The following CAND2 variants were observed in gnomAD, a reference collection of about 807,000 sequenced individuals.
The protein encoded by CAND2 is cullin-associated NEDD8-dissociated protein 2.
Under a neutral mutation model 98.9 loss-of-function variants are expected in CAND2, and 62 were observed. The observed-to-expected ratio is 0.63, with a 90% CI of 0.51 to 0.77. The LOEUF is 0.77. Ranked by LOEUF, CAND2 falls within the 30% of genes least tolerant of loss-of-function variation. The pLI, the probability that CAND2 is intolerant of heterozygous loss-of-function variation, is 0.00. For synonymous variants in CAND2, 770 were observed against 731.9 expected (o/e 1.05, Z -0.84); for missense variants, 1,501 against 1,655.2 (o/e 0.91, Z 1.62).
chr3:12,820,317 T>C (rs1014367391), intron 11 of CAND2, 136 bp downstream of exon 11: 5 of 614,486 alleles, frequency 8.1e-6, no homozygotes, highest in Non-Finnish European at 1.4e-5. Flanking sequence ...CAGCAGGGCC[T>C]GGCCCTCCAG....
At chr3:12,808,091 T>C in intron 3 of CAND2, 119 bp from the exon 4 acceptor site, 1 of 1,319,410 alleles carries the variant, frequency 7.6e-7, no homozygotes, top group Non-Finnish European at 1.0e-6. Flanking sequence ...TCTGGAGCCC[T>C]GGTAAGATTC....
At chr3:12,819,746 A>G (rs575216026) in intron 10 of CAND2, among the ~76,000 whole-genome samples, 15 of 152,138 alleles carry the variant, frequency 9.9e-5, no homozygotes, top group Admixed American at 5.9e-4. Flanking sequence ...TATTAATAGG[A>G]TCATTGTTAG....
Position 12,810,245 on chromosome 3 carries a change from G to A in CAND2, c.678G>A (p.Arg226=). 6.5e-7 allele frequency: 1 copy of A among 1,527,254 alleles called. No individual in the cohort carries two copies. 94.6% of individuals were successfully genotyped at this position (1,527,254 alleles called of 1,614,324 possible). ...TACTGGACCGGCTGCCCGGCCCGCG[G>A]GTGCCCACCAGCCCGACTGCCATCC... The part of the protein sequence containing the change: ...DHLLDRLPGP[R]VPTSPTAIRT... Residue 226 remains arginine (R), a synonymous_variant, in exon 5 of 15, where the codon CGG becomes CGA. Coordinates refer to ENST00000456430, the MANE Select transcript of CAND2 (RefSeq NM_001162499.2).
In CAND2 at chr3:12,834,408, G is replaced by A. The variant is rs1002839436; in HGVS notation, c.*426G>A. The A allele has an allele frequency of 6.0e-6, 1 of 167,864 alleles. No homozygotes were observed. The highest frequency in any genetic ancestry group is 2.4e-5 in the African/African-American group (1 of 42,062). 10.4% of individuals were successfully genotyped at this position (167,864 alleles called of 1,614,324 possible). A position where few individuals can be genotyped will look rare whatever the true frequency, so the allele number is the denominator to read the frequency against. On this transcript the variant is annotated 3_prime_UTR_variant, in exon 15 of 15. Coordinates refer to ENST00000456430, the MANE Select transcript of CAND2 (RefSeq NM_001162499.2). ...TTCTTCACTGCATTCAGCAATGCCT[G>A]AAGTTAGTGCTCAGGCCGGGCATCT... is the stretch of plus-strand genomic sequence containing the variant.
At chr3:12,806,892 C>A (rs1459028141) in intron 2 of CAND2, among the ~76,000 whole-genome samples, 1 of 152,206 alleles carries the variant, frequency 6.6e-6, no homozygotes, top group Non-Finnish European at 1.5e-5. Flanking sequence ...GCTCCCTGGA[C>A]CACCTACAGT....
intron 12 of CAND2, among the ~76,000 whole-genome samples, chr3:12,827,208 A>G (rs1355355003): frequency 6.6e-6 from 1 of 152,144 alleles, no homozygotes; most frequent in Non-Finnish European, 1.5e-5. Context: ...AGTGCCTGCC[A>G]CTCAGACAGT....
At position 12,803,602 on chromosome 3, in the gene CAND2, C is replaced by T. The variant is rs770521025; in HGVS notation, c.183C>T (p.Asn61=). The T allele has an allele frequency of 9.9e-6, 16 of 1,611,930 alleles. No homozygotes were observed. The highest frequency in any genetic ancestry group is 1.6e-4 in the Middle Eastern group (1 of 6,076). ...TGCTCCGGCTCCTGGAGGACAAGAA[C>T]GGTGAGGTGCAGAACCTGGCTGTCA... ...KMLLRLLEDK[N]GEVQNLAVKC... Residue 61 remains asparagine, a synonymous_variant, in exon 2 of 15, where the codon AAC becomes AAT. Transcript: ENST00000456430.
chr3:12,804,624 C>T (rs2061792073), intron 2 of CAND2, among the ~76,000 whole-genome samples: 1 of 152,154 alleles, frequency 6.6e-6, no homozygotes, highest in South Asian at 2.1e-4. Flanking sequence ...CGTGGGGATG[C>T]TTGTGTGGTA....
chr3:12,831,018 AGTTTTT>A (rs1004276817), intron 13 of CAND2, among the ~76,000 whole-genome samples: 6 of 151,498 alleles, frequency 4.0e-5, no homozygotes, highest in Non-Finnish European at 8.8e-5. Flanking sequence ...TGTTGTTAAA[AGTTTTT>A]GTTTGGTTTT....
Position 12,833,984 on chromosome 3 carries a change from C to T in CAND2, c.*2C>T, listed in dbSNP as rs775670657. 8.7e-6 allele frequency: 14 copies of T among 1,612,306 alleles called. No individual in the cohort carries two copies. The highest frequency in any genetic ancestry group is 2.7e-5 in the African/African-American group (2 of 74,898). On this transcript the variant is annotated 3_prime_UTR_variant, in exon 15 of 15. Coordinates refer to ENST00000456430, the MANE Select transcript of CAND2 (RefSeq NM_001162499.2). ...ACAGACTCAATGGAGCTCAGCTAGTCCCCTCAGCACCAAGGTGGGCCCTCG... is the reference window on the plus strand; with the variant it reads ...ACAGACTCAATGGAGCTCAGCTAGTTCCCTCAGCACCAAGGTGGGCCCTCG...
At chr3:12,806,153 G>A (rs761673568) in intron 2 of CAND2, among the ~76,000 whole-genome samples, 9 of 152,114 alleles carry the variant, frequency 5.9e-5, no homozygotes, top group African/African-American at 1.7e-4. Context: ...GCAACATAGC[G>A]AGACACTGAA....
chr3:12,806,110 T>C (rs1014108375), intron 2 of CAND2, among the ~76,000 whole-genome samples: 4 of 152,050 alleles, frequency 2.6e-5, no homozygotes, highest in African/African-American at 9.7e-5. Context: ...GGCAAGAGGA[T>C]CACTTGAGGC....
At chr3:12,809,990 A>G in intron 4 of CAND2, 69 bp from the exon 5 acceptor site, 2 of 1,385,000 alleles carry the variant, frequency 1.4e-6, no homozygotes, top group South Asian at 1.6e-5. Context: ...GAGAATGGGG[A>G]GAGGGGCGGA....
rs768385309 is a variant in CAND2, at chr3:12,816,346, C to T, written c.1442-28C>T. On this transcript the variant is annotated intron_variant, in intron 9 of 14. Transcript: ENST00000456430. ...GGCCGTGTTGCATCAGAGGCGGTGG[C>T]CTCATAACCTTTGCATTCACCCTGC... The T allele has an allele frequency of 1.4e-5, 22 of 1,583,528 alleles. No individual in the cohort carries two copies. The Admixed American group carries it at 2.8e-4, about 20-fold the overall frequency.
intron 12 of CAND2, 37 bp downstream of exon 12, chr3:12,825,676 G>GACCCAGGGGAAGCT: frequency 3.8e-6 from 6 of 1,563,926 alleles, no homozygotes; most frequent in Non-Finnish European, 5.2e-6. Context: ...GGAAGCTGGG[G>GACCCAGGGGAAGCT]GTGATGCCAC....
intron 13 of CAND2, among the ~76,000 whole-genome samples, chr3:12,830,318 G>A (rs4082751): frequency 0.028 from 4,231 of 152,276 alleles, 213 homozygotes; most frequent in African/African-American, 0.097. Flanking sequence ...ATGATGGGGC[G>A]CACAAAGCTG....
At chr3:12,828,852 C>G (rs549171344) in intron 13 of CAND2, among the ~76,000 whole-genome samples, 1 of 152,104 alleles carries the variant, frequency 6.6e-6, no homozygotes, top group Non-Finnish European at 1.5e-5. Flanking sequence ...CAACTTGTTT[C>G]ACTTAGTCTG....
At chr3:12,814,840 G>A (rs1264219593) in intron 7 of CAND2, among the ~76,000 whole-genome samples, 3 of 152,162 alleles carry the variant, frequency 2.0e-5, no homozygotes, top group Non-Finnish European at 4.4e-5. Context: ...CTTGGGGCAA[G>A]CCACTTCCTC....
rs748807654 is a variant in CAND2, at chr3:12,834,118, G to C, written c.*136G>C. The C allele has an allele frequency of 1.4e-6, 1 of 704,322 alleles. No individual in the cohort carries two copies. Among genetic ancestry groups the C allele is most frequent in the Non-Finnish European group, 2.4e-6 (1 of 423,702 alleles). The allele number at this position is 704,322 out of a possible 1,614,324, so 43.6% of individuals were successfully genotyped here. ...CTGGGGGCCCTGTCGCTCCTGGTCA[G>C]GGCTTACAGTGCCTTCTCCAGGGAC... On this transcript the variant is annotated 3_prime_UTR_variant, in exon 15 of 15. Transcript: ENST00000456430.
Sources: gnomAD v4.1 joint callset for allele counts (sites outside exome capture counted in the v4.1 genomes callset) on GRCh38, gnomAD v4.1.1 for gene constraint, MANE v1.5 for transcripts, NCBI Gene and HGNC (gene_info 2026-07-23, HGNC 2026-07-21) for gene names.